The following CACNA2D1 variants were observed in gnomAD, a reference collection of about 807,000 sequenced individuals.
CACNA2D1 encodes calcium voltage-gated channel auxiliary subunit alpha2delta 1.
In CACNA2D1, 53 loss-of-function variants were observed where a neutral mutation model predicts 171.5. The ratio of observed to expected loss-of-function variants is 0.31; its 90% CI spans 0.25 to 0.39. CACNA2D1 has a LOEUF of 0.39. Among genes scored for constraint, CACNA2D1 ranks in the 10% least tolerant of loss-of-function variants. The pLI, the probability that CACNA2D1 is intolerant of heterozygous loss-of-function variation, is 1.00. For synonymous variants in CACNA2D1, 442 were observed against 443.1 expected (o/e 1.00, Z 0.03); for missense variants, 903 against 1,299.8 (o/e 0.69, Z 4.69).
At chr7:82,096,477 G>A (rs1436680516) in intron 6 of CACNA2D1, among the ~76,000 whole-genome samples, 2 of 151,854 alleles carry the variant, frequency 1.3e-5, no homozygotes, top group African/African-American at 2.4e-5. Flanking sequence ...GGTGGCTACC[G>A]TAAATCAAGT....
rs566289758 is a variant in CACNA2D1, at chr7:82,014,496, A to G, written c.1144-17T>C. The G allele has an allele frequency of 9.8e-5, 132 of 1,350,574 alleles. 1 individual carries two copies. The South Asian group carries it at 1.2e-3, about 12-fold the overall frequency. The allele number at this position is 1,350,574 out of a possible 1,614,324, so 83.7% of individuals were successfully genotyped here. On this transcript the variant is annotated splice_polypyrimidine_tract_variant and intron_variant, in intron 12 of 38. Transcript: ENST00000356860. ...TACACGTACCTGGATGAATTGAAAA[A>G]TAGGTATTCATTAGGCTGAATAAAA...
At chr7:82,109,439 A>G (rs1175641129) in intron 6 of CACNA2D1, among the ~76,000 whole-genome samples, 1 of 152,144 alleles carries the variant, frequency 6.6e-6, no homozygotes, top group Non-Finnish European at 1.5e-5. Flanking sequence ...TATGTTAGGA[A>G]ATTTGTCACG....
At chr7:82,356,867 G>A (rs75503337) in intron 1 of CACNA2D1, among the ~76,000 whole-genome samples, 22,611 of 151,966 alleles carry the variant, frequency 0.15, 1,851 homozygotes, top group South Asian at 0.28. Context: ...CAAATATTTT[G>A]TGTGTATTAA....
At chr7:82,388,696 G>A (rs1240109113) in intron 1 of CACNA2D1, among the ~76,000 whole-genome samples, 1 of 152,182 alleles carries the variant, frequency 6.6e-6, no homozygotes, top group Admixed American at 6.5e-5. Flanking sequence ...TGCACCTTCT[G>A]CAGACGAGAA....
intron 15 of CACNA2D1, among the ~76,000 whole-genome samples, chr7:82,008,589 T>TTA (rs1799388366): frequency 6.6e-6 from 1 of 152,170 alleles, no homozygotes; most frequent in African/African-American, 2.4e-5. Flanking sequence ...ATGTCAAAAC[T>TTA]ACATTTAACA....
At chr7:81,959,964 G>C in intron 36 of CACNA2D1, 135 bp from the exon 37 acceptor site, 1 of 1,352,668 alleles carries the variant, frequency 7.4e-7, no homozygotes, top group Non-Finnish European at 9.9e-7. Flanking sequence ...AGCACAATAG[G>C]AGTATGATTT....
rs2237522 is a variant in CACNA2D1 at position 82,376,882 on chromosome 7, G to A, written c.96-27233C>T. Among the ~76,000 whole-genome samples the A allele has an allele frequency of 5.3e-4, 80 of 152,270 alleles. No individual in the cohort carries two copies. The East Asian group carries it at 0.011, about 21-fold the overall frequency. On this transcript the variant is annotated intron_variant, in intron 1 of 38. Transcript: ENST00000356860. ...CAACACTACTTTAGAATAAAATGCT[G>A]AACAATGAAATGGAGGGTTATTAAT...
At chr7:82,342,315 A>C (rs1385547363) in intron 2 of CACNA2D1, among the ~76,000 whole-genome samples, 1 of 152,176 alleles carries the variant, frequency 6.6e-6, no homozygotes, top group African/African-American at 2.4e-5. Flanking sequence ...CAAGAAGACA[A>C]AGATTTTTGT....
intron 3 of CACNA2D1, among the ~76,000 whole-genome samples, chr7:82,175,864 C>T (rs777664487): frequency 2.0e-5 from 3 of 151,956 alleles, no homozygotes; most frequent in East Asian, 1.9e-4. Flanking sequence ...AACATGAACC[C>T]GTAGAATAGG....
chr7:82,344,388 A>G (rs867730052), intron 2 of CACNA2D1, among the ~76,000 whole-genome samples: 1 of 152,374 alleles, frequency 6.6e-6, no homozygotes, highest in East Asian at 1.9e-4. Flanking sequence ...TTAGAGTAAC[A>G]ATAAATAATA....
chr7:82,137,682 T>C (rs921562932), intron 4 of CACNA2D1, among the ~76,000 whole-genome samples: 38 of 131,686 alleles, frequency 2.9e-4, no homozygotes, highest in Non-Finnish European at 1.1e-4. Flanking sequence ...CCATCCTGGC[T>C]AATACAGTGA....
At chr7:82,277,746 TTTTA>T (rs1202127090) in intron 3 of CACNA2D1, among the ~76,000 whole-genome samples, 7 of 73,220 alleles carry the variant, frequency 9.6e-5, no homozygotes, top group African/African-American at 3.9e-4. Context: ...AATTTTTTAC[TTTTA>T]TTTTTTTTTT....
At chr7:82,087,354 G>T (rs1810594045) in intron 6 of CACNA2D1, among the ~76,000 whole-genome samples, 1 of 152,044 alleles carries the variant, frequency 6.6e-6, no homozygotes, top group Non-Finnish European at 1.5e-5. Context: ...AGTTTGACTG[G>T]ATCTACCTAA....
intron 20 of CACNA2D1, among the ~76,000 whole-genome samples, chr7:81,993,638 T>C (rs951602206): frequency 9.2e-5 from 14 of 152,270 alleles, no homozygotes; most frequent in Middle Eastern, 3.4e-3. Flanking sequence ...ATAAAAATTA[T>C]AGTCATTCAT....
chr7:82,377,180 T>C (rs1823114748), intron 1 of CACNA2D1, among the ~76,000 whole-genome samples: 2 of 152,240 alleles, frequency 1.3e-5, no homozygotes, highest in South Asian at 2.1e-4. Flanking sequence ...TTCATTTTTA[T>C]TGGGGTCATA....
intron 12 of CACNA2D1, among the ~76,000 whole-genome samples, chr7:82,018,224 T>C (rs1313285122): frequency 6.6e-6 from 1 of 152,192 alleles, no homozygotes. Context: ...GAATAAACGT[T>C]GGATTGGGCT....
At chr7:82,413,329 C>A (rs998779801) in intron 1 of CACNA2D1, among the ~76,000 whole-genome samples, 2 of 152,134 alleles carry the variant, frequency 1.3e-5, no homozygotes, top group African/African-American at 4.8e-5. Context: ...TCTACTCATG[C>A]CCTGGTTTCT....
At chr7:82,335,453 T>C (rs989035503) in intron 2 of CACNA2D1, among the ~76,000 whole-genome samples, 1 of 152,128 alleles carries the variant, frequency 6.6e-6, no homozygotes, top group African/African-American at 2.4e-5. Flanking sequence ...TGCCAAAATA[T>C]AGGTTATGTT....
At chr7:82,367,394 A>G (rs987242761) in intron 1 of CACNA2D1, among the ~76,000 whole-genome samples, 15 of 151,864 alleles carry the variant, frequency 9.9e-5, no homozygotes, top group African/African-American at 3.6e-4. Flanking sequence ...ATGCCTTTGT[A>G]TCTTGTCTCA....
Sources: allele counts gnomAD v4.1 joint callset (sites outside exome capture counted in the v4.1 genomes callset), GRCh38; gene constraint gnomAD v4.1.1; transcripts MANE v1.5; gene names NCBI Gene and HGNC (gene_info 2026-07-23, HGNC 2026-07-21).